ZSCAN20: variants seen among roughly 807,000 people sequenced by gnomAD.
The protein encoded by ZSCAN20 is zinc finger and SCAN domain containing 20.
Under a neutral mutation model 97.1 loss-of-function variants are expected in ZSCAN20, and 39 were observed. The observed-to-expected ratio is 0.40, with a 90% confidence interval of 0.31 to 0.52. ZSCAN20 has a LOEUF of 0.52. Ranked by LOEUF, ZSCAN20 falls within the 20% of genes least tolerant of loss-of-function variation. ZSCAN20 has a pLI of 0.49. For missense variants in ZSCAN20, 1,115 were observed against 1,290.4 expected, an observed-to-expected ratio of 0.86 and a Z score of 2.08; for synonymous variants, 456 against 467.3, an observed-to-expected ratio of 0.98 and a Z score of 0.31.
intron 2 of ZSCAN20, among the ~76,000 whole-genome samples, chr1:33,485,768 A>G (rs1419720230): frequency 1.3e-5 from 2 of 152,104 alleles, no homozygotes; most frequent in East Asian, 3.8e-4. Flanking sequence ...CTTTTCAAAG[A>G]ACTAGCTTTT....
chr1:33,475,652 CTT>C (rs1057338989), intron 1 of ZSCAN20, among the ~76,000 whole-genome samples: 2 of 151,990 alleles, frequency 1.3e-5, no homozygotes, highest in East Asian at 1.9e-4. Flanking sequence ...CTCTTTCTCT[CTT>C]TCTTTTTTTT....
At position 33,482,961 on chromosome 1, in the gene ZSCAN20, C is replaced by T. The variant is rs141006101; in HGVS notation, c.417+3256C>T. The stretch of plus-strand genomic sequence containing the variant: ...AGAGTTCTTTGTATGTTCGGGGTAA[C>T]GGTCCTTTATCAGATATGTGTTTTG... On this transcript the variant is annotated intron_variant, in intron 2 of 7. Coordinates refer to ENST00000684572, the MANE Select transcript of ZSCAN20 (RefSeq NM_001377376.1). 2.1e-4 allele frequency among the ~76,000 whole-genome samples: 32 copies of T among 152,244 alleles called. No homozygotes were observed. The East Asian group carries it at 5.8e-3, about 28-fold the overall frequency.
At position 33,491,218 on chromosome 1, in the gene ZSCAN20, G is replaced by A; in HGVS notation, c.960G>A (p.Lys320=). ...EQYQWDVEDM[K]VSGVHWGYEE... ...ACCAGTGGGATGTGGAGGACATGAA[G>A]GTGTCAGGTGTTCACTGGGGCTATG... Residue 320 remains lysine (K), a synonymous_variant, in exon 6 of 8, where the codon AAG becomes AAA. Transcript: ENST00000684572. This position sits in a 1 kb window ranked among gnomAD's most constrained non-coding sequence, Gnocchi z 4.3. The A allele has an allele frequency of 1.2e-6, 2 of 1,614,160 alleles. No homozygotes were observed. The highest frequency in any genetic ancestry group is 1.7e-6 in the Non-Finnish European group (2 of 1,180,034).
chr1:33,482,959 A>C (rs1243583796), intron 2 of ZSCAN20, among the ~76,000 whole-genome samples: 1 of 152,184 alleles, frequency 6.6e-6, no homozygotes, highest in African/African-American at 2.4e-5. Context: ...TGTTCGGGGT[A>C]ACGGTCCTTT....
chr1:33,476,342 G>C (rs1651939350), intron 1 of ZSCAN20, among the ~76,000 whole-genome samples: 1 of 152,190 alleles, frequency 6.6e-6, no homozygotes, highest in South Asian at 2.1e-4. Flanking sequence ...AGAAAAAAAA[G>C]GTTATGGTGA....
In ZSCAN20 at chr1:33,497,091, C is replaced by T. The variant is rs1257669933; in HGVS notation, c.*1615C>T. ...GTTCATGGGCTGGGGAAGTACCTAT[C>T]AGATAGTGGATGTGAAGCAGCCTTG... On this transcript the variant is annotated 3_prime_UTR_variant, in exon 8 of 8. Transcript: ENST00000684572. 6.6e-6 allele frequency among the ~76,000 whole-genome samples: 1 copy of T among 152,144 alleles called. No individual in the cohort carries two copies. Among genetic ancestry groups the T allele is most frequent in the Admixed American group, 6.5e-5 (1 of 15,278 alleles).
In ZSCAN20 at chr1:33,491,561, G is replaced by T; in HGVS notation, c.1303G>T (p.Ala435Ser). The change falls in exon 6 of 8, where the codon GCA becomes TCA. Residue 435 changes from alanine (A) to serine (S), a missense_variant. Physicochemically the swap from Ala to Ser is moderately conservative, Grantham distance 99. Coordinates refer to ENST00000684572, the MANE Select transcript of ZSCAN20 (RefSeq NM_001377376.1). The surrounding 1 kb of genome is among the most constrained non-coding windows in gnomAD (Gnocchi z 4.3). The stretch of plus-strand genomic sequence containing the variant: ...ACTTCCCAGGCTCGGGTATAGTGAC[G>T]CAGAGATGGATGAGCAGGAGGAAGG... ...VALPRLGYSD[A>S]EMDEQEEGGW... The T allele has an allele frequency of 1.9e-6, 3 of 1,614,126 alleles. No individual in the cohort carries two copies. The highest frequency in any genetic ancestry group is 2.2e-5 in the East Asian group (1 of 44,882).
Position 33,498,099 on chromosome 1 carries a change from A to G in ZSCAN20, c.*2623A>G, listed in dbSNP as rs1019291980. Among the ~76,000 whole-genome samples, 1 of 152,102 alleles carries G rather than the reference A, an allele frequency of 6.6e-6. No individual in the cohort carries two copies. The highest frequency in any genetic ancestry group is 1.5e-5 in the Non-Finnish European group (1 of 68,012). ...AAGATGGCCCTCAAAGGAGATCTAG[A>G]CCATTCCCCACTCCCACCCACTACC... On this transcript the variant is annotated 3_prime_UTR_variant, in exon 8 of 8. Transcript: ENST00000684572.
chr1:33,494,439 G>A lies in ZSCAN20; in HGVS notation c.2095G>A (p.Asp699Asn). 1 of 1,613,472 alleles carries A rather than the reference G, an allele frequency of 6.2e-7. No individual in the cohort carries two copies. Among genetic ancestry groups the A allele is most frequent in the Non-Finnish European group, 8.5e-7 (1 of 1,179,626 alleles). The change falls in exon 8 of 8, where the codon GAC (aspartate) becomes AAC (asparagine). Residue 699 changes from aspartate to asparagine, a missense_variant. By Grantham distance (23) the Asp-to-Asn change is conservative. This residue lies in a region of ZSCAN20 where 554 missense variants were observed against 584.9 expected (regional missense o/e 0.95). Transcript: ENST00000684572. ...SSEEDLEKLI[D>N]HQGLYLAEKP... is the part of the protein sequence containing the mutation. Reference sequence around the variant, plus strand: ...TGAAGAGGACTTAGAAAAACTTATTGACCATCAAGGCCTGTACCTTGCAGA... The same window carrying A: ...TGAAGAGGACTTAGAAAAACTTATTAACCATCAAGGCCTGTACCTTGCAGA...
intron 2 of ZSCAN20, among the ~76,000 whole-genome samples, chr1:33,482,709 G>A (rs1171975842): frequency 6.6e-6 from 1 of 152,212 alleles, no homozygotes; most frequent in Non-Finnish European, 1.5e-5. Context: ...GGGAGTTCTT[G>A]TTGCCCCACA....
intron 2 of ZSCAN20, among the ~76,000 whole-genome samples, chr1:33,481,426 A>G (rs888681679): frequency 1.3e-4 from 20 of 152,192 alleles, no homozygotes; most frequent in African/African-American, 4.6e-4. Context: ...TGCTTCTAAA[A>G]TTGAGAAAAA....
Position 33,491,410 on chromosome 1 carries a change from A to G in ZSCAN20, c.1152A>G (p.Leu384=). The part of the protein sequence containing the change: ...EQCRYRVKNL[L]RNYRKAKSSH... ...GTCGCTATAGGGTCAAAAACCTCCT[A>G]CGGAATTACCGGAAAGCCAAGAGCA... The change falls in exon 6 of 8, where the codon CTA becomes CTG. Residue 384 remains leucine, a synonymous_variant. Transcript: ENST00000684572. This position sits in a 1 kb window ranked among gnomAD's most constrained non-coding sequence, Gnocchi z 4.3. 1 of 1,614,102 alleles carries G rather than the reference A, an allele frequency of 6.2e-7. No individual in the cohort carries two copies. The highest frequency in any genetic ancestry group is 8.5e-7 in the Non-Finnish European group (1 of 1,180,002).
chr1:33,482,507 C>A (rs1652193849), intron 2 of ZSCAN20, among the ~76,000 whole-genome samples: 1 of 152,142 alleles, frequency 6.6e-6, no homozygotes, highest in Non-Finnish European at 1.5e-5. Flanking sequence ...AAAGTTTTGG[C>A]AGTTATGTAT....
chr1:33,490,388 T>C (rs1004389733), intron 5 of ZSCAN20, among the ~76,000 whole-genome samples: 1 of 152,182 alleles, frequency 6.6e-6, no homozygotes, highest in South Asian at 2.1e-4. Context: ...CCGGGAGCTG[T>C]TGGGATAGCA....
chr1:33,490,899 A>C, intron 5 of ZSCAN20, 126 bp from the exon 6 acceptor site: 1 of 837,484 alleles, frequency 1.2e-6, no homozygotes, highest in Non-Finnish European at 1.8e-6. Context: ...TAAACATTTT[A>C]TGGGATCAAC....
Position 33,495,887 on chromosome 1 carries a change from A to G in ZSCAN20, c.*411A>G, listed in dbSNP as rs1652845434. 6.4e-6 allele frequency: 1 copy of G among 157,350 alleles called. No individual in the cohort carries two copies. Among genetic ancestry groups the G allele is most frequent in the Non-Finnish European group, 1.4e-5 (1 of 71,344 alleles). The allele number at this position is 157,350 out of a possible 1,614,324, so 9.7% of individuals were successfully genotyped here. ...GTTCTCCTACTTTCTCAGTGGGGGCATATCCTCAAGGGAGAATGTTGTGAC... is the reference window on the plus strand; with the variant it reads ...GTTCTCCTACTTTCTCAGTGGGGGCGTATCCTCAAGGGAGAATGTTGTGAC... On this transcript the variant is annotated 3_prime_UTR_variant, in exon 8 of 8. Transcript: ENST00000684572.
chr1:33,493,136 C>A lies in ZSCAN20; in HGVS notation c.1445-51C>A. ...GCAGGTGACTTTATTCTCTGATGACCTAGGCACATCTCATTAAGTCTCACA... is the reference window on the plus strand; with the variant it reads ...GCAGGTGACTTTATTCTCTGATGACATAGGCACATCTCATTAAGTCTCACA... On this transcript the variant is annotated intron_variant, in intron 6 of 7. Transcript: ENST00000684572. The surrounding 1 kb of genome is among the most constrained non-coding windows in gnomAD (Gnocchi z 4.3). 6.4e-7 allele frequency: 1 copy of A among 1,568,232 alleles called. No individual in the cohort carries two copies.
Position 33,488,598 on chromosome 1 carries a change from A to G in ZSCAN20, c.551A>G (p.Asp184Gly). The G allele has an allele frequency of 1.2e-6, 2 of 1,613,390 alleles. No homozygotes were observed. Among genetic ancestry groups the G allele is most frequent in the Non-Finnish European group, 1.7e-6 (2 of 1,179,792 alleles). ...QKKGVKNTCP[D>G]LPNHLNAEVA... ...AAGGGGGTGAAGAATACATGCCCTG[A>G]CCTTCCCAATCACCTAAATGCCGAG... Residue 184 changes from aspartate (D) to glycine (G), a missense_variant, in exon 3 of 8, where the codon GAC (aspartate) becomes GGC (glycine). This residue lies in a region of ZSCAN20 where 508 missense variants were observed against 611.2 expected (regional missense o/e 0.83). Coordinates refer to ENST00000684572, the MANE Select transcript of ZSCAN20 (RefSeq NM_001377376.1).
chr1:33,490,677 A>ACACACAC (rs751310948), intron 5 of ZSCAN20, among the ~76,000 whole-genome samples: 65 of 147,260 alleles, frequency 4.4e-4, no homozygotes, highest in African/African-American at 1.7e-3. Flanking sequence ...ACACACACAC[A>ACACACAC]CACACACCAC....
Sources: allele counts gnomAD v4.1 joint callset (sites outside exome capture counted in the v4.1 genomes callset), GRCh38; gene constraint gnomAD v4.1.1; regional missense constraint gnomAD v4.1.1; non-coding constraint Gnocchi (gnomAD v3.1); transcripts MANE v1.5; gene names NCBI Gene and HGNC (gene_info 2026-07-23, HGNC 2026-07-21).